Variants in GABRR2 observed in about 807,000 individuals in gnomAD.
GABRR2 encodes gamma-aminobutyric acid type A receptor subunit rho2.
In GABRR2, 36 loss-of-function variants were observed where a neutral mutation model predicts 47.0. That is an observed-to-expected ratio of 0.77 (90% CI 0.59 to 1.01). The LOEUF (loss-of-function observed/expected upper bound fraction) is 1.01. GABRR2 is among the 50% of genes least tolerant of loss of function. The probability of loss-of-function intolerance (pLI) is 0.00; values close to 1 mark genes in which losing one functional copy is unlikely to be tolerated. For synonymous variants in GABRR2, 204 were observed against 227.5 expected (o/e 0.90, Z 0.93); for missense variants, 587 against 594.6 (o/e 0.99, Z 0.13).
At position 89,265,771 on chromosome 6, in the gene GABRR2, G is replaced by A. The variant is rs771644307; in HGVS notation, c.737-6C>T. 1.4e-5 allele frequency: 23 copies of A among 1,613,544 alleles called. No homozygotes were observed. The highest frequency in any genetic ancestry group is 1.9e-5 in the Non-Finnish European group (22 of 1,179,782). ...GTACAGACGGTTGTACCAGCCTAGG[G>A]GATGCAGGAAGAAGCCAATGAGGTT... is the stretch of plus-strand genomic sequence containing the variant. On this transcript the variant is annotated splice_region_variant and splice_polypyrimidine_tract_variant and intron_variant, in intron 6 of 8. Coordinates refer to ENST00000402938, the MANE Select transcript of GABRR2 (RefSeq NM_002043.5).
chr6:89,302,833 C>G, intron 1 of GABRR2: 1 of 1,384,294 alleles, frequency 7.2e-7, no homozygotes, highest in Non-Finnish European at 1.0e-6. Context: ...TGTGACATCC[C>G]ACCCCCCAGC....
rs563307280 is a variant in GABRR2 at position 89,277,913 on chromosome 6, C to G, written c.221-6191G>C. Among the ~76,000 whole-genome samples the G allele has an allele frequency of 8.6e-3, 1,303 of 151,418 alleles. 15 individuals are homozygous for G. Among genetic ancestry groups the G allele is most frequent in the African/African-American group, 0.03 (1,226 of 41,222 alleles). Reference sequence around the variant, plus strand: ...AAATTGGTACCACTACCTTTCAATGCATTACCTAGCAAAATGGAAGCTATG... The same window carrying G: ...AAATTGGTACCACTACCTTTCAATGGATTACCTAGCAAAATGGAAGCTATG... On this transcript the variant is annotated intron_variant, in intron 2 of 8. Transcript: ENST00000402938.
intron 2 of GABRR2, among the ~76,000 whole-genome samples, chr6:89,294,452 A>C (rs1774523175): frequency 6.6e-6 from 1 of 152,160 alleles, no homozygotes; most frequent in Non-Finnish European, 1.5e-5. Context: ...AGCCTCTATC[A>C]ACTACTTTTA....
chr6:89,269,080 G>C lies in GABRR2; in HGVS notation c.443C>G (p.Thr148Ser), dbSNP rs1222030054. ...GATGTTGTCAGTGGTGGTGTCATGA[G>C]TGAACGATCTTTTGGAGTGAACAAA... ...VFFVHSKRSFTHDTTTDNIML... is the reference protein window; with the variant it reads ...VFFVHSKRSFSHDTTTDNIML... Residue 148 changes from threonine (T) to serine (S), a missense_variant, in exon 4 of 9, where the codon ACT becomes AGT. Physicochemically the swap from Thr to Ser is moderately conservative, Grantham distance 58. Coordinates refer to ENST00000402938, the MANE Select transcript of GABRR2 (RefSeq NM_002043.5). 6.2e-7 allele frequency: 1 copy of C among 1,614,048 alleles called. No homozygotes were observed. The highest frequency in any genetic ancestry group is 1.6e-4 in the Middle Eastern group (1 of 6,062).
chr6:89,309,852 A>G (rs541977723), intron 1 of GABRR2, among the ~76,000 whole-genome samples: 13 of 151,838 alleles, frequency 8.6e-5, no homozygotes, highest in African/African-American at 3.1e-4. Context: ...ATTGTAGCTC[A>G]CTGCAGCCTC....
At chr6:89,264,746 C>T (rs1184319194) in intron 7 of GABRR2, 138 bp from the exon 8 acceptor site, 28 of 1,114,234 alleles carry the variant, frequency 2.5e-5, no homozygotes, top group Non-Finnish European at 3.3e-5. Context: ...CGGAGAGGGG[C>T]AAGGATCTGC....
intron 2 of GABRR2, among the ~76,000 whole-genome samples, chr6:89,283,781 G>T (rs1255419065): frequency 1.3e-5 from 2 of 152,190 alleles, no homozygotes; most frequent in African/African-American, 2.4e-5. Flanking sequence ...AATAGCACAG[G>T]CTCAGGGAGA....
intron 2 of GABRR2, among the ~76,000 whole-genome samples, chr6:89,291,663 C>G (rs150508160): frequency 2.0e-5 from 3 of 152,166 alleles, no homozygotes; most frequent in African/African-American, 7.2e-5. Flanking sequence ...AATCTCCTCT[C>G]GGGGCAGAAC....
At chr6:89,277,794 G>T (rs1457581150) in intron 2 of GABRR2, among the ~76,000 whole-genome samples, 1 of 148,510 alleles carries the variant, frequency 6.7e-6, no homozygotes, top group Non-Finnish European at 1.5e-5. Context: ...TCAAATGAAT[G>T]GGTGACTATC....
chr6:89,259,138 G>A (rs563533279), intron 8 of GABRR2, among the ~76,000 whole-genome samples: 1 of 151,998 alleles, frequency 6.6e-6, no homozygotes, highest in Non-Finnish European at 1.5e-5. Context: ...CTGGTGCCTG[G>A]ATGCTTGGTG....
At position 89,264,475 on chromosome 6, in the gene GABRR2, C is replaced by T; in HGVS notation, c.1023G>A (p.Glu341=). 3 of 1,614,036 alleles carry T rather than the reference C, an allele frequency of 1.9e-6. No homozygotes were observed. The highest frequency in any genetic ancestry group is 1.6e-4 in the Middle Eastern group (1 of 6,062). The stretch of plus-strand genomic sequence containing the variant: ...TGGTCAGGTAGTTGACAGCCGCATA[C>T]TCCAGCACCGAGAGGAACACGAACA... ...SFVFVFLSVL[E]YAAVNYLTTV... Residue 341 remains glutamate (E), a synonymous_variant, in exon 8 of 9, where the codon GAG becomes GAA. Coordinates refer to ENST00000402938, the MANE Select transcript of GABRR2 (RefSeq NM_002043.5).
intron 1 of GABRR2, among the ~76,000 whole-genome samples, chr6:89,308,550 G>T (rs1280319510): frequency 1.3e-5 from 2 of 152,054 alleles, no homozygotes; most frequent in South Asian, 2.1e-4. Context: ...TAATATAAAA[G>T]TTAGCCTGCC....
At chr6:89,272,362 C>T (rs759478720) in intron 2 of GABRR2, among the ~76,000 whole-genome samples, 10 of 152,206 alleles carry the variant, frequency 6.6e-5, no homozygotes, top group Non-Finnish European at 1.2e-4. Context: ...TTCATCTGGC[C>T]TACGGCAAGA....
intron 2 of GABRR2, among the ~76,000 whole-genome samples, chr6:89,297,847 C>T (rs772339077): frequency 3.4e-4 from 51 of 151,546 alleles, no homozygotes; most frequent in Non-Finnish European, 5.9e-4. Flanking sequence ...AGTGAAACTC[C>T]GTCTCGAAAA....
intron 3 of GABRR2, among the ~76,000 whole-genome samples, chr6:89,271,326 T>A (rs1007590377): frequency 2.6e-5 from 4 of 152,178 alleles, no homozygotes; most frequent in Admixed American, 2.6e-4. Context: ...AGCCTGAAAC[T>A]GTCCACCTCC....
intron 8 of GABRR2, among the ~76,000 whole-genome samples, chr6:89,259,010 C>G (rs1344771842): frequency 1.3e-5 from 2 of 151,598 alleles, no homozygotes; most frequent in Admixed American, 1.3e-4. Context: ...GTATATGACC[C>G]TATTCTTTTA....
rs532163382 is a variant in GABRR2 at position 89,254,642 on chromosome 6, A to G, written c.*3028T>C. ...TTTCACCATGTCTTAGATTCAGTGA[A>G]GTAAAGTATCATTCATGCATTCCTG... On this transcript the variant is annotated 3_prime_UTR_variant, in exon 9 of 9. Coordinates refer to ENST00000402938, the MANE Select transcript of GABRR2 (RefSeq NM_002043.5). 6.6e-6 allele frequency among the ~76,000 whole-genome samples: 1 copy of G among 152,326 alleles called. No homozygotes were observed. Among genetic ancestry groups the G allele is most frequent in the South Asian group, 2.1e-4 (1 of 4,822 alleles).
Position 89,254,940 on chromosome 6 carries a change from G to C in GABRR2, c.*2730C>G, listed in dbSNP as rs3734196. Among the ~76,000 whole-genome samples the C allele has an allele frequency of 3.9e-4, 59 of 152,240 alleles. No homozygotes were observed. The East Asian group carries it at 9.4e-3, about 24-fold the overall frequency. ...ATAGAATTAACTCCAGTTTAACATA[G>C]AAGCTAGCAAAAATAAATATTTGTT... On this transcript the variant is annotated 3_prime_UTR_variant, in exon 9 of 9. Coordinates refer to ENST00000402938, the MANE Select transcript of GABRR2 (RefSeq NM_002043.5).
chr6:89,286,010 C>A (rs1774329648), intron 2 of GABRR2, among the ~76,000 whole-genome samples: 1 of 108,034 alleles, frequency 9.3e-6, no homozygotes, highest in South Asian at 3.6e-4. Context: ...ACTCAGCTCC[C>A]CGCCCGCACC....
Sources: allele counts gnomAD v4.1 joint callset (sites outside exome capture counted in the v4.1 genomes callset), GRCh38; gene constraint gnomAD v4.1.1; transcripts MANE v1.5; gene names NCBI Gene and HGNC (gene_info 2026-07-23, HGNC 2026-07-21).